UNC13B: variants seen among roughly 807,000 people sequenced by gnomAD.
UNC13B encodes unc-13 homolog B.
UNC13B carries 144 observed loss-of-function variants against 211.0 expected under a neutral mutation model. The ratio of observed to expected loss-of-function variants is 0.68; its 90% CI spans 0.60 to 0.78. UNC13B has a LOEUF of 0.78. Among genes scored for constraint, UNC13B ranks in the 30% least tolerant of loss-of-function variants. The pLI is 0.00. For synonymous variants in UNC13B, 709 were observed against 725.8 expected (o/e 0.98, Z 0.37); for missense variants, 1,777 against 2,002.0 (o/e 0.89, Z 2.14).
intron 11 of UNC13B, among the ~76,000 whole-genome samples, chr9:35,320,908 G>C (rs1389079701): frequency 6.6e-6 from 1 of 152,274 alleles, no homozygotes; most frequent in Non-Finnish European, 1.5e-5. Context: ...TATTTCCACA[G>C]AAGTCTCCAT....
At chr9:35,402,052 C>G (rs1354852753) in intron 37 of UNC13B, 1 of 1,534,766 alleles carries the variant, frequency 6.5e-7, no homozygotes, top group Non-Finnish European at 8.8e-7. Flanking sequence ...TGGGCTAACA[C>G]TGACCCCTGG....
At chr9:35,254,270 A>T (rs1826684195) in intron 6 of UNC13B, among the ~76,000 whole-genome samples, 1 of 152,326 alleles carries the variant, frequency 6.6e-6, no homozygotes, top group Non-Finnish European at 1.5e-5. Flanking sequence ...CTTATAAACA[A>T]CAGAGACTTA....
At chr9:35,343,977 T>C (rs1233324335) in intron 11 of UNC13B, among the ~76,000 whole-genome samples, 2 of 152,226 alleles carry the variant, frequency 1.3e-5, no homozygotes, top group Non-Finnish European at 2.9e-5. Flanking sequence ...AAATTAATTC[T>C]ACCTGTTTCT....
chr9:35,285,353 GC>G (rs1332335440), intron 7 of UNC13B, among the ~76,000 whole-genome samples: 2 of 152,098 alleles, frequency 1.3e-5, no homozygotes, highest in African/African-American at 4.8e-5. Flanking sequence ...TTGTTGAAAA[GC>G]CCTTTGAATT....
chr9:35,358,690 A>ATTTT (rs918370577), intron 11 of UNC13B, among the ~76,000 whole-genome samples: 7 of 108,684 alleles, frequency 6.4e-5, no homozygotes, highest in African/African-American at 1.5e-4. Flanking sequence ...TAGGTCTATG[A>ATTTT]TTTTTTTTTT....
At chr9:35,391,402 G>A (rs1303323821) in intron 26 of UNC13B, among the ~76,000 whole-genome samples, 1 of 152,156 alleles carries the variant, frequency 6.6e-6, no homozygotes, top group Non-Finnish European at 1.5e-5. Context: ...GCCCATCTAG[G>A]AGGAGGAGGA....
intron 1 of UNC13B, among the ~76,000 whole-genome samples, chr9:35,205,482 G>T (rs530393386): frequency 6.6e-6 from 1 of 152,266 alleles, no homozygotes; most frequent in South Asian, 2.1e-4. Flanking sequence ...ATAAATTTTA[G>T]AATATTATTA....
intron 24 of UNC13B, among the ~76,000 whole-genome samples, chr9:35,388,015 AG>A (rs1835292346): frequency 2.0e-5 from 3 of 152,308 alleles, no homozygotes; most frequent in South Asian, 4.1e-4. Context: ...AGGAAGGAGT[AG>A]GAATTAACTA....
intron 7 of UNC13B, among the ~76,000 whole-genome samples, chr9:35,264,319 T>G (rs1827450895): frequency 6.6e-6 from 1 of 152,040 alleles, no homozygotes; most frequent in Non-Finnish European, 1.5e-5. Flanking sequence ...TAGAAGCAGT[T>G]AATAATAATA....
intron 7 of UNC13B, among the ~76,000 whole-genome samples, chr9:35,288,964 T>A (rs1197996469): frequency 6.6e-6 from 1 of 151,948 alleles, no homozygotes; most frequent in Non-Finnish European, 1.5e-5. Context: ...ATGAAGTAAT[T>A]ACCCTCTAGC....
intron 11 of UNC13B, among the ~76,000 whole-genome samples, chr9:35,343,720 C>T (rs1418791744): frequency 1.3e-5 from 2 of 152,062 alleles, no homozygotes; most frequent in East Asian, 3.9e-4. Flanking sequence ...TTGGAAGGCT[C>T]TCCAGAGTAT....
intron 11 of UNC13B, among the ~76,000 whole-genome samples, chr9:35,349,205 C>A (rs1832561593): frequency 6.6e-6 from 1 of 152,150 alleles, no homozygotes; most frequent in South Asian, 2.1e-4. Flanking sequence ...CGAGAGCCAC[C>A]ACGCCCAGCC....
rs1822077366 is a variant in UNC13B, at chr9:35,183,282, G to GCGGCCGGGCAGAGGAGCCCC, written c.22+20977_22+20978insCGGCCGGGCAGAGGAGCCCC. Among the ~76,000 whole-genome samples the GCGGCCGGGCAGAGGAGCCCC allele has an allele frequency of 6.8e-5, 9 of 132,832 alleles. No homozygotes were observed. The South Asian group carries it at 2.0e-3, about 30-fold the overall frequency. The allele number at this position is 132,832 out of a possible 152,430, so 87.1% of individuals were successfully genotyped here. A position where few individuals can be genotyped will look rare whatever the true frequency, so the allele number is the denominator to read the frequency against. ...AGGAGCCCCTCACCTCCCAGGCGGGGTGGCCGGGCAGAGGCGCCCCTCACC... is the reference window on the plus strand; with the variant it reads ...AGGAGCCCCTCACCTCCCAGGCGGGGCGGCCGGGCAGAGGAGCCCCTGGCCGGGCAGAGGCGCCCCTCACC... On this transcript the variant is annotated intron_variant, in intron 1 of 39. Coordinates refer to ENST00000635942, the MANE Select transcript of UNC13B (RefSeq NM_001371189.2).
chr9:35,375,320 G>A, intron 14 of UNC13B, 119 bp downstream of exon 14: 2 of 1,066,698 alleles, frequency 1.9e-6, no homozygotes, highest in East Asian at 2.4e-5. Context: ...ACACATTGCT[G>A]ATGAAAAAGA....
intron 5 of UNC13B, among the ~76,000 whole-genome samples, chr9:35,239,675 T>C (rs574870793): frequency 3.9e-5 from 6 of 152,250 alleles, no homozygotes; most frequent in South Asian, 2.1e-4. Flanking sequence ...ATCCCTTATC[T>C]ACAACCGTAA....
At chr9:35,343,047 T>C (rs1023439087) in intron 11 of UNC13B, among the ~76,000 whole-genome samples, 1 of 152,254 alleles carries the variant, frequency 6.6e-6, no homozygotes, top group Admixed American at 6.5e-5. Flanking sequence ...ACATGCGCAA[T>C]AGACAGTCTG....
At chr9:35,210,658 G>C (rs918108470) in intron 1 of UNC13B, among the ~76,000 whole-genome samples, 6 of 151,944 alleles carry the variant, frequency 3.9e-5, no homozygotes, top group Non-Finnish European at 8.8e-5. Context: ...CGAGTAGCTG[G>C]GACTACAGGC....
At chr9:35,382,724 G>A (rs992443947) in intron 21 of UNC13B, among the ~76,000 whole-genome samples, 3 of 151,848 alleles carry the variant, frequency 2.0e-5, no homozygotes, top group Non-Finnish European at 2.9e-5. Context: ...CACCACGCCC[G>A]GATAATTTTT....
intron 11 of UNC13B, among the ~76,000 whole-genome samples, chr9:35,329,198 T>G (rs937910246): frequency 6.6e-6 from 1 of 152,168 alleles, no homozygotes; most frequent in Non-Finnish European, 1.5e-5. Context: ...AATGTTGAAG[T>G]CTTAACCTTC....
Sources: allele counts gnomAD v4.1 joint callset (sites outside exome capture counted in the v4.1 genomes callset), GRCh38; gene constraint gnomAD v4.1.1; transcripts MANE v1.5; gene names NCBI Gene and HGNC (gene_info 2026-07-23, HGNC 2026-07-21).